Variants in RICTOR observed in about 807,000 individuals in gnomAD.
RICTOR encodes the protein rapamycin-insensitive companion of mTOR.
A neutral mutation model predicts 214.9 loss-of-function variants in RICTOR; 49 were observed. The observed-to-expected ratio is 0.23, with a 90% confidence interval of 0.18 to 0.29. The LOEUF (loss-of-function observed/expected upper bound fraction) is 0.29, where lower values mean the gene tolerates loss of function less well. Among genes scored for constraint, RICTOR ranks in the 10% least tolerant of loss-of-function variants. The probability of loss-of-function intolerance (pLI) is 1.00; values close to 1 mark genes in which losing one functional copy is unlikely to be tolerated. For missense variants in RICTOR, 1,625 were observed against 2,047.0 expected (o/e 0.79, Z 3.98); for synonymous variants, 717 against 711.3 (o/e 1.01, Z -0.13).
At chr5:39,026,119 G>C (rs1755803771) in intron 2 of RICTOR, among the ~76,000 whole-genome samples, 1 of 152,166 alleles carries the variant, frequency 6.6e-6, no homozygotes, top group Admixed American at 6.5e-5. Context: ...AAAGTATCAG[G>C]TCAGAAATAA....
intron 11 of RICTOR, among the ~76,000 whole-genome samples, 176 bp from the exon 12 acceptor site, chr5:38,968,206 TATG>T (rs1750394622): frequency 6.6e-6 from 1 of 152,130 alleles, no homozygotes; most frequent in Non-Finnish European, 1.5e-5. Context: ...TCCCTAAGAT[TATG>T]ATGAAGCTGA....
chr5:38,944,902 T>C lies in RICTOR; in HGVS notation c.4789+11A>G. On this transcript the variant is annotated intron_variant, in intron 35 of 37. Transcript: ENST00000357387. Reference sequence around the variant, plus strand: ...TACTAATAATGATTGGATTTGAATCTGAAGACTCACCTAGTAACAATTCTG... The same window carrying C: ...TACTAATAATGATTGGATTTGAATCCGAAGACTCACCTAGTAACAATTCTG... The C allele has an allele frequency of 6.2e-7, 1 of 1,612,164 alleles. No homozygotes were observed. The highest frequency in any genetic ancestry group is 8.5e-7 in the Non-Finnish European group (1 of 1,178,442).
intron 3 of RICTOR, among the ~76,000 whole-genome samples, chr5:39,005,478 T>A (rs1019029453): frequency 3.9e-5 from 6 of 152,202 alleles, no homozygotes; most frequent in Non-Finnish European, 7.3e-5. Flanking sequence ...ATTCCCTTCT[T>A]GAATTTCCAT....
chr5:39,034,338 A>G (rs1055078912), intron 2 of RICTOR, among the ~76,000 whole-genome samples: 4 of 152,226 alleles, frequency 2.6e-5, no homozygotes, highest in Non-Finnish European at 4.4e-5. Context: ...TTGGGGGTGG[A>G]GCCAAGATGG....
chr5:39,038,448 T>C (rs1233540599), intron 2 of RICTOR, among the ~76,000 whole-genome samples: 3 of 152,120 alleles, frequency 2.0e-5, no homozygotes, highest in African/African-American at 7.2e-5. Context: ...CTATTCAACA[T>C]AGTGTTGGAA....
rs1561520691 is a variant in RICTOR at position 39,003,626 on chromosome 5, TC to T, written c.196-5del. 6.3e-7 allele frequency: 1 copy of T among 1,596,968 alleles called. No individual in the cohort carries two copies. The highest frequency in any genetic ancestry group is 1.7e-5 in the Admixed American group (1 of 59,650). On this transcript the variant is annotated splice_region_variant and splice_polypyrimidine_tract_variant and intron_variant, in intron 3 of 37. Transcript: ENST00000357387. ...TGTGGCCAATATCACAAAGAAGCTG[TC>T]AGAAAAACAAAATAAGTGTGCATTT...
intron 2 of RICTOR, among the ~76,000 whole-genome samples, chr5:39,040,002 A>G (rs1757046606): frequency 6.6e-6 from 1 of 152,182 alleles, no homozygotes; most frequent in Non-Finnish European, 1.5e-5. Flanking sequence ...ATGGTGCTAT[A>G]AAGACACATG....
At chr5:38,955,880 A>G (rs975039427) in intron 25 of RICTOR, among the ~76,000 whole-genome samples, 176 bp from the exon 26 acceptor site, 8 of 152,016 alleles carry the variant, frequency 5.3e-5, no homozygotes, top group Non-Finnish European at 1.2e-4. Flanking sequence ...AATGACCCCC[A>G]TATCTGCCAT....
chr5:38,958,562 A>C (rs757163922), intron 23 of RICTOR, 43 bp from the exon 24 acceptor site: 2 of 1,561,162 alleles, frequency 1.3e-6, no homozygotes, highest in Non-Finnish European at 1.8e-6. Context: ...GCACAAAAAT[A>C]GCAAAATTTT....
At chr5:38,962,728 C>A in intron 17 of RICTOR, 142 bp from the exon 18 acceptor site, 1 of 795,272 alleles carries the variant, frequency 1.3e-6, no homozygotes, top group Non-Finnish European at 2.0e-6. Context: ...TTATAAAAAC[C>A]CATCTCCAAA....
intron 31 of RICTOR, chr5:38,949,381 G>T: frequency 6.3e-7 from 1 of 1,590,564 alleles, no homozygotes; most frequent in South Asian, 1.1e-5. Flanking sequence ...GTTATTGTAG[G>T]TCTTAAGCTC....
chr5:38,943,082 G>T, intron 36 of RICTOR, 111 bp from the exon 37 acceptor site: 1 of 655,024 alleles, frequency 1.5e-6, no homozygotes, highest in Non-Finnish European at 2.6e-6. Flanking sequence ...TGGATTAGAT[G>T]GCATACTTGG....
intron 7 of RICTOR, among the ~76,000 whole-genome samples, 188 bp downstream of exon 7, chr5:38,990,761 A>ATCATATATATGATATATC (rs1385196331): frequency 0.044 from 1,019 of 23,024 alleles, 15 homozygotes; most frequent in Non-Finnish European, 0.072. Context: ...TATGATATAT[A>ATCATATATATGATATATC]TGAGATATAT....
chr5:39,067,841 C>CTTTAATAGTACAGTAT (rs1343069102), intron 2 of RICTOR, among the ~76,000 whole-genome samples: 1 of 152,230 alleles, frequency 6.6e-6, no homozygotes, highest in Admixed American at 6.5e-5. Flanking sequence ...TCTTTTCCTT[C>CTTTAATAGTACAGTAT]TAATCTCCTT....
Position 38,939,733 on chromosome 5 carries a change from CTAAAATCTT to C in RICTOR, c.*2562_*2570del. The C allele has an allele frequency of 4.4e-6, 1 of 228,762 alleles. No individual in the cohort carries two copies. The highest frequency in any genetic ancestry group is 1.8e-4 in the South Asian group (1 of 5,480). The allele number at this position is 228,762 out of a possible 1,614,324, so 14.2% of individuals were successfully genotyped here. On this transcript the variant is annotated 3_prime_UTR_variant, in exon 38 of 38. Coordinates refer to ENST00000357387, the MANE Select transcript of RICTOR (RefSeq NM_152756.5). ...AAATTTATATGGACTAAGATTAATC[CTAAAATCTT>C]TAAAAACTACAGTATTGACATTATT... is the stretch of plus-strand genomic sequence containing the variant.
At position 38,940,142 on chromosome 5, in the gene RICTOR, AC is replaced by A. The variant is rs199913298; in HGVS notation, c.*2161del. On this transcript the variant is annotated 3_prime_UTR_variant, in exon 38 of 38. Transcript: ENST00000357387. The stretch of plus-strand genomic sequence containing the variant: ...TTCAAAGTAACAGTAAAAAAAAAAA[AC>A]AAAAAAAAAAACACAAAACATTCAG... 2,894 of 198,334 alleles carry A rather than the reference AC, an allele frequency of 0.015. 36 individuals carry two copies. The highest frequency in any genetic ancestry group is 0.058 in the South Asian group (267 of 4,620). The allele number at this position is 198,334 out of a possible 1,614,324, so 12.3% of individuals were successfully genotyped here.
chr5:39,060,821 T>C (rs555359808), intron 2 of RICTOR, among the ~76,000 whole-genome samples: 9 of 152,084 alleles, frequency 5.9e-5, no homozygotes, highest in Admixed American at 3.9e-4. Context: ...ATGCTGTCTT[T>C]GGGAAGACTG....
intron 2 of RICTOR, among the ~76,000 whole-genome samples, chr5:39,040,306 G>A (rs1041158931): frequency 1.2e-4 from 16 of 128,380 alleles, no homozygotes; most frequent in African/African-American, 2.3e-4. Context: ...ATCACACACC[G>A]GGGCCTGTTG....
At chr5:38,953,395 A>G in intron 28 of RICTOR, 66 bp downstream of exon 28, 1 of 671,234 alleles carries the variant, frequency 1.5e-6, no homozygotes, top group Non-Finnish European at 2.5e-6. Flanking sequence ...TCTATTTAGT[A>G]TAAATGAAAA....
Sources: gnomAD v4.1 joint callset for allele counts (sites outside exome capture counted in the v4.1 genomes callset) on GRCh38, gnomAD v4.1.1 for gene constraint, MANE v1.5 for transcripts, NCBI Gene and HGNC (gene_info 2026-07-23, HGNC 2026-07-21) for gene names.